ADGRL2: variants seen among roughly 807,000 people sequenced by gnomAD.
ADGRL2 encodes the protein calcium-independent alpha-latrotoxin receptor 2.
In ADGRL2, 44 loss-of-function variants were observed where a neutral mutation model predicts 157.4. That is an observed-to-expected ratio of 0.28 (90% CI 0.22 to 0.36). The LOEUF is 0.36. Among genes scored for constraint, ADGRL2 ranks in the 10% least tolerant of loss-of-function variants. The pLI, the probability that ADGRL2 is intolerant of heterozygous loss-of-function variation, is 1.00. For missense variants in ADGRL2, 1,510 were observed against 1,768.9 expected (o/e 0.85, Z 2.63); for synonymous variants, 585 against 624.7 (o/e 0.94, Z 0.95).
chr1:81,911,277 T>C (rs1287055893), intron 3 of ADGRL2, among the ~76,000 whole-genome samples: 1 of 152,174 alleles, frequency 6.6e-6, no homozygotes, highest in Admixed American at 6.5e-5. Context: ...TAATATTTTA[T>C]AGAACAGTCA....
chr1:81,775,523 C>G (rs928573809), intron 2 of ADGRL2, among the ~76,000 whole-genome samples: 12 of 149,932 alleles, frequency 8.0e-5, no homozygotes, highest in African/African-American at 3.0e-4. Context: ...CTGGGGAGAT[C>G]AAAAGAGACA....
chr1:81,582,081 G>A (rs1312385640), intron 3 of ADGRL2, among the ~76,000 whole-genome samples: 2 of 151,984 alleles, frequency 1.3e-5, no homozygotes, highest in Non-Finnish European at 2.9e-5. Flanking sequence ...TTAGCCAGGC[G>A]TGGTGGCGCA....
At chr1:81,632,013 A>G (rs992821567) in intron 3 of ADGRL2, among the ~76,000 whole-genome samples, 3 of 152,230 alleles carry the variant, frequency 2.0e-5, no homozygotes, top group Admixed American at 1.3e-4. Flanking sequence ...ATAGCATTCT[A>G]TAGCCACATA....
At chr1:81,676,449 C>T (rs915134063) in intron 3 of ADGRL2, among the ~76,000 whole-genome samples, 1 of 152,074 alleles carries the variant, frequency 6.6e-6, no homozygotes, top group African/African-American at 2.4e-5. Context: ...AGGAACACAG[C>T]ACCACACCCA....
Position 81,373,843 on chromosome 1 carries a change from CA to C in ADGRL2, c.-302+67336del, listed in dbSNP as rs570788813. Among the ~76,000 whole-genome samples the C allele has an allele frequency of 1.1e-3, 161 of 152,270 alleles. 1 individual carries two copies. The Middle Eastern group carries it at 0.017, about 16-fold the overall frequency. On this transcript the variant is annotated intron_variant, in intron 1 of 24. Transcript: ENST00000370721. Reference sequence around the variant, plus strand: ...AGATGATTCAAAACCGGGAAAAAAGCAAGTGATTTAGGAGACATAATCTGAA... The same window carrying C: ...AGATGATTCAAAACCGGGAAAAAAGCAGTGATTTAGGAGACATAATCTGAA...
At chr1:81,465,480 A>G (rs2078033653) in intron 2 of ADGRL2, among the ~76,000 whole-genome samples, 1 of 152,132 alleles carries the variant, frequency 6.6e-6, no homozygotes, top group African/African-American at 2.4e-5. Flanking sequence ...AGAAGGGGAA[A>G]AATGATCTCC....
intron 1 of ADGRL2, among the ~76,000 whole-genome samples, chr1:81,370,621 A>C (rs1319624372): frequency 6.6e-6 from 1 of 152,156 alleles, no homozygotes; most frequent in Non-Finnish European, 1.5e-5. Context: ...CCCCTACAAA[A>C]AAGTTTTCAG....
Position 81,372,086 on chromosome 1 carries a change from C to T in ADGRL2, c.-302+65577C>T, listed in dbSNP as rs140959973. On this transcript the variant is annotated intron_variant, in intron 1 of 24. Transcript: ENST00000370721. ...AGATCTTAGATATCACATGTCAAAG[C>T]GAAACAAACAACCTATCCATTGTTC... is the stretch of plus-strand genomic sequence containing the variant. Among the ~76,000 whole-genome samples, 645 of 152,114 alleles carry T rather than the reference C, an allele frequency of 4.2e-3. 2 individuals are homozygous for T. The highest frequency in any genetic ancestry group is 0.015 in the African/African-American group (606 of 41,496).
intron 3 of ADGRL2, among the ~76,000 whole-genome samples, chr1:81,641,872 A>G (rs1345697490): frequency 6.6e-6 from 1 of 152,148 alleles, no homozygotes; most frequent in Non-Finnish European, 1.5e-5. Context: ...GAAAATTAGT[A>G]TGAAAATCAA....
chr1:81,727,879 CATTTT>C (rs1162212067), intron 1 of ADGRL2, among the ~76,000 whole-genome samples: 1 of 151,204 alleles, frequency 6.6e-6, no homozygotes, highest in African/African-American at 2.4e-5. Flanking sequence ...CTTTTTTTAA[CATTTT>C]AAAGATTTAG....
chr1:81,612,910 A>G (rs1050103590), intron 3 of ADGRL2, among the ~76,000 whole-genome samples: 1 of 152,194 alleles, frequency 6.6e-6, no homozygotes, highest in Admixed American at 6.5e-5. Flanking sequence ...ACACATAATT[A>G]GCACTCATTA....
At chr1:81,390,626 C>G (rs887992430) in intron 1 of ADGRL2, among the ~76,000 whole-genome samples, 1 of 152,300 alleles carries the variant, frequency 6.6e-6, no homozygotes, top group Non-Finnish European at 1.5e-5. Context: ...TTTTCCATAC[C>G]TATCCTAATA....
intron 1 of ADGRL2, among the ~76,000 whole-genome samples, chr1:81,396,449 A>G (rs1444694533): frequency 3.3e-5 from 5 of 152,182 alleles, no homozygotes; most frequent in Non-Finnish European, 5.9e-5. Context: ...GCAAACAAGG[A>G]AAGTTTTACT....
chr1:81,530,381 C>A (rs1319071131), intron 2 of ADGRL2, among the ~76,000 whole-genome samples: 1 of 152,040 alleles, frequency 6.6e-6, no homozygotes, highest in Non-Finnish European at 1.5e-5. Flanking sequence ...GGGTCTGGCT[C>A]TTTCACCCAG....
At chr1:81,615,698 G>C (rs1217052285) in intron 3 of ADGRL2, among the ~76,000 whole-genome samples, 1 of 152,108 alleles carries the variant, frequency 6.6e-6, no homozygotes, top group East Asian at 1.9e-4. Context: ...TCCCTTCAAG[G>C]AGCATTATTT....
intron 3 of ADGRL2, among the ~76,000 whole-genome samples, chr1:81,664,833 T>C (rs946133732): frequency 6.6e-6 from 1 of 152,182 alleles, no homozygotes; most frequent in Non-Finnish European, 1.5e-5. Flanking sequence ...TTGGATATTA[T>C]ATATATCTGG....
chr1:81,340,562 C>T (rs1452532953), intron 1 of ADGRL2, among the ~76,000 whole-genome samples: 2 of 152,118 alleles, frequency 1.3e-5, no homozygotes, highest in African/African-American at 4.8e-5. Context: ...CACACATTAT[C>T]TATGGCCAAA....
chr1:81,618,950 A>C (rs1431934686), intron 3 of ADGRL2, among the ~76,000 whole-genome samples: 2 of 151,954 alleles, frequency 1.3e-5, no homozygotes, highest in East Asian at 3.9e-4. Context: ...TGGTTTCCAC[A>C]TTTCCACTCA....
chr1:81,652,246 C>G (rs1157821592), intron 3 of ADGRL2, among the ~76,000 whole-genome samples: 1 of 152,158 alleles, frequency 6.6e-6, no homozygotes, highest in African/African-American at 2.4e-5. Flanking sequence ...CTGTGGTTTC[C>G]CAGCTGAAAA....
Sources: allele counts gnomAD v4.1 joint callset (sites outside exome capture counted in the v4.1 genomes callset), GRCh38; gene constraint gnomAD v4.1.1; transcripts MANE v1.5; gene names NCBI Gene and HGNC (gene_info 2026-07-23, HGNC 2026-07-21).